Variants in GARRE1 observed in about 807,000 individuals in gnomAD.
The protein encoded by GARRE1 is granule associated Rac and RHOG effector protein 1.
A neutral mutation model predicts 103.2 loss-of-function variants in GARRE1; 49 were observed. That is an observed-to-expected ratio of 0.47 (90% CI 0.38 to 0.60). GARRE1 has a LOEUF of 0.60. Among genes scored for constraint, GARRE1 ranks in the 20% least tolerant of loss-of-function variants. GARRE1 has a pLI of 0.00. For missense variants in GARRE1, 1,199 were observed against 1,370.5 expected, an observed-to-expected ratio of 0.87 and a Z score of 1.98; for synonymous variants, 505 against 532.8, an observed-to-expected ratio of 0.95 and a Z score of 0.72.
Position 34,300,869 on chromosome 19 carries a change from C to T in GARRE1, c.396C>T (p.Thr132=). Residue 132 remains threonine, a synonymous_variant, in exon 2 of 14, where the codon ACC becomes ACT. Transcript: ENST00000299505. The part of the protein sequence containing the change: ...EHVMEAASRL[T]SAIKPEIAKM... ...TCATGGAAGCAGCCAGTCGGCTGAC[C>T]TCGGCCATAAAGCCTGAGATCGCCA... The T allele has an allele frequency of 6.2e-7, 1 of 1,613,342 alleles. No homozygotes were observed. Among genetic ancestry groups the T allele is most frequent in the East Asian group, 2.2e-5 (1 of 44,892 alleles).
intron 1 of GARRE1, among the ~76,000 whole-genome samples, chr19:34,279,949 C>T (rs1172065925): frequency 7.0e-6 from 1 of 143,706 alleles, no homozygotes; most frequent in Non-Finnish European, 1.5e-5. Context: ...CCCGCCACTG[C>T]ACTCCAGCCT....
At chr19:34,323,479 G>A (rs1036319072) in intron 3 of GARRE1, among the ~76,000 whole-genome samples, 6 of 152,022 alleles carry the variant, frequency 3.9e-5, no homozygotes, top group Admixed American at 3.9e-4. Context: ...AATTTTCACT[G>A]TTTTCTTGCA....
chr19:34,323,018 C>CTT (rs2074096254), intron 3 of GARRE1, among the ~76,000 whole-genome samples: 1 of 94,868 alleles, frequency 1.1e-5, no homozygotes, highest in African/African-American at 3.9e-5. Context: ...CAAAGTATTT[C>CTT]TTTTCTTTTT....
At chr19:34,302,983 A>G (rs2073988496) in intron 2 of GARRE1, among the ~76,000 whole-genome samples, 1 of 151,494 alleles carries the variant, frequency 6.6e-6, no homozygotes, top group Admixed American at 6.6e-5. Flanking sequence ...GAGCTTAGGC[A>G]ATCCACCCAC....
chr19:34,281,288 TTTTG>T (rs1057246848), intron 1 of GARRE1, among the ~76,000 whole-genome samples: 5 of 152,150 alleles, frequency 3.3e-5, no homozygotes, highest in African/African-American at 9.6e-5. Flanking sequence ...GTCTGGATAA[TTTTG>T]TTTGTTTGTT....
At chr19:34,260,106 A>G (rs1021975803) in intron 1 of GARRE1, among the ~76,000 whole-genome samples, 16 of 152,224 alleles carry the variant, frequency 1.1e-4, no homozygotes, top group Admixed American at 3.9e-4. Context: ...AATAAACCTT[A>G]TTTTAAGAAA....
chr19:34,258,797 AAAAG>A (rs977981421), intron 1 of GARRE1, among the ~76,000 whole-genome samples: 1 of 151,704 alleles, frequency 6.6e-6, no homozygotes, highest in African/African-American at 2.4e-5. Flanking sequence ...CTCAAAAAAA[AAAAG>A]AAAAGAAAAT....
At chr19:34,332,229 C>T (rs1279029726) in intron 7 of GARRE1, among the ~76,000 whole-genome samples, 1 of 150,776 alleles carries the variant, frequency 6.6e-6, no homozygotes, top group Non-Finnish European at 1.5e-5. Context: ...AGTCACATTT[C>T]CTTTGGGATC....
rs768254983 is a variant in GARRE1, at chr19:34,258,629, A to T, written c.-796+4015A>T. ...GAAACCCCATCTCTACTAAAAAAAAAATATTAAAAAATTAGCCGGACATGG... is the reference window on the plus strand; with the variant it reads ...GAAACCCCATCTCTACTAAAAAAAATATATTAAAAAATTAGCCGGACATGG... On this transcript the variant is annotated intron_variant, in intron 1 of 13. Coordinates refer to ENST00000299505, the MANE Select transcript of GARRE1 (RefSeq NM_014686.5). 5.3e-5 allele frequency among the ~76,000 whole-genome samples: 8 copies of T among 152,168 alleles called. 1 individual carries two copies. In the East Asian group the frequency reaches 7.7e-4, roughly 15 times the overall value.
At position 34,342,067 on chromosome 19, in the gene GARRE1, G is replaced by A; in HGVS notation, c.2133G>A (p.Leu711=). The A allele has an allele frequency of 6.2e-7, 1 of 1,614,060 alleles. No individual in the cohort carries two copies. The highest frequency in any genetic ancestry group is 8.5e-7 in the Non-Finnish European group (1 of 1,180,028). ...CCCAGGCTGGGGCACACACACCTCT[G>A]ACACCCCAGCCGGGACTGGCACCTC... The part of the protein sequence containing the change: ...RAPQAGAHTP[L]TPQPGLAPQQ... The change falls in exon 10 of 14, where the codon CTG becomes CTA. Residue 711 remains leucine (L), a synonymous_variant. Transcript: ENST00000299505.
intron 4 of GARRE1, 49 bp from the exon 5 acceptor site, chr19:34,327,722 C>T (rs2074118364): frequency 2.6e-6 from 4 of 1,549,538 alleles, no homozygotes; most frequent in Non-Finnish European, 3.5e-6. Flanking sequence ...ACTTTGTCAT[C>T]TTATAATTTG....
At chr19:34,273,873 G>A (rs1198378111) in intron 1 of GARRE1, among the ~76,000 whole-genome samples, 2 of 152,146 alleles carry the variant, frequency 1.3e-5, no homozygotes, top group Non-Finnish European at 2.9e-5. Flanking sequence ...TGTAGGAAGT[G>A]GGTGGTGTTG....
intron 1 of GARRE1, among the ~76,000 whole-genome samples, chr19:34,272,864 A>G (rs2073795959): frequency 6.6e-6 from 1 of 152,190 alleles, no homozygotes; most frequent in African/African-American, 2.4e-5. Context: ...ACTTCATCTT[A>G]TTAGATGCCT....
intron 2 of GARRE1, 130 bp from the exon 3 acceptor site, chr19:34,319,777 C>G (rs2074076612): frequency 1.3e-6 from 1 of 790,154 alleles, no homozygotes; most frequent in African/African-American, 1.7e-5. Context: ...GCATGGTGGC[C>G]TTTTAACTTT....
intron 2 of GARRE1, among the ~76,000 whole-genome samples, chr19:34,307,688 CT>C (rs1189617259): frequency 0.018 from 877 of 50,102 alleles, 5 homozygotes; most frequent in Non-Finnish European, 0.049. Context: ...TACATATATA[CT>C]TATATATACA....
At chr19:34,294,177 T>C (rs557846473) in intron 1 of GARRE1, among the ~76,000 whole-genome samples, 1 of 152,062 alleles carries the variant, frequency 6.6e-6, no homozygotes, top group East Asian at 1.9e-4. Context: ...CCCAACACTT[T>C]TAGAGGCCAA....
intron 6 of GARRE1, 107 bp downstream of exon 6, chr19:34,328,258 G>A (rs1057070655): frequency 4.6e-5 from 59 of 1,287,854 alleles, no homozygotes; most frequent in Admixed American, 1.4e-4. Context: ...AAATGGGGCC[G>A]GGCGTGGTGG....
chr19:34,333,051 T>G (rs12983772), intron 7 of GARRE1, among the ~76,000 whole-genome samples: 17,049 of 152,120 alleles, frequency 0.11, 1,110 homozygotes, highest in East Asian at 0.2. Flanking sequence ...ACTTTTTTGT[T>G]TGTTTGTTTG....
intron 7 of GARRE1, among the ~76,000 whole-genome samples, chr19:34,332,027 A>G (rs2074140409): frequency 6.6e-6 from 1 of 151,700 alleles, no homozygotes; most frequent in African/African-American, 2.4e-5. Context: ...TTTCAGTCAG[A>G]GGTTGGAAGG....
Sources: gnomAD v4.1 joint callset for allele counts (sites outside exome capture counted in the v4.1 genomes callset) on GRCh38, gnomAD v4.1.1 for gene constraint, MANE v1.5 for transcripts, NCBI Gene and HGNC (gene_info 2026-07-23, HGNC 2026-07-21) for gene names.